The following KLHL32 variants were observed in gnomAD, a reference collection of about 807,000 sequenced individuals.
KLHL32 encodes the protein kelch like family member 32.
In KLHL32, 35 loss-of-function variants were observed where a neutral mutation model predicts 64.8. The observed-to-expected ratio is 0.54, with a 90% CI of 0.41 to 0.72. KLHL32 has a LOEUF of 0.72. KLHL32 is among the 30% of genes least tolerant of loss of function. The pLI, the probability that KLHL32 is intolerant of heterozygous loss-of-function variation, is 0.00. For synonymous variants in KLHL32, 259 were observed against 281.0 expected (o/e 0.92, Z 0.78); for missense variants, 589 against 768.5 (o/e 0.77, Z 2.76).
chr6:96,949,322 TTC>T (rs1241729362), intron 1 of KLHL32, among the ~76,000 whole-genome samples: 60 of 142,706 alleles, frequency 4.2e-4, no homozygotes, highest in Non-Finnish European at 5.2e-4. Flanking sequence ...AGCTCTGATA[TTC>T]TAGTTAGTCA....
intron 9 of KLHL32, among the ~76,000 whole-genome samples, chr6:97,131,593 C>T (rs1426041975): frequency 6.6e-6 from 1 of 152,128 alleles, no homozygotes; most frequent in Non-Finnish European, 1.5e-5. Flanking sequence ...TAACTTTTCC[C>T]CCTTGTCAGC....
At chr6:96,953,173 A>G (rs62413872) in intron 1 of KLHL32, among the ~76,000 whole-genome samples, 15,054 of 152,240 alleles carry the variant, frequency 0.099, 791 homozygotes, top group Middle Eastern at 0.16. Context: ...ACCCCATCAG[A>G]TGATTACAAA....
intron 3 of KLHL32, among the ~76,000 whole-genome samples, chr6:97,024,049 G>A (rs1017104309): frequency 1.6e-4 from 24 of 152,224 alleles, no homozygotes; most frequent in African/African-American, 5.5e-4. Context: ...TCTGTGAGTA[G>A]AAGTTGGCAT....
chr6:96,994,968 G>A (rs1192744773), intron 3 of KLHL32, among the ~76,000 whole-genome samples: 1 of 152,116 alleles, frequency 6.6e-6, no homozygotes, highest in Non-Finnish European at 1.5e-5. Context: ...ACACTACCTG[G>A]CAAATAGTAG....
At chr6:96,927,782 G>A (rs2127987256) in intron 1 of KLHL32, among the ~76,000 whole-genome samples, 1 of 152,326 alleles carries the variant, frequency 6.6e-6, no homozygotes, top group South Asian at 2.1e-4. Context: ...GTGTGTGTTA[G>A]TAATGTTCTA....
Position 97,077,041 on chromosome 6 carries a change from G to A in KLHL32, c.412-8085G>A, listed in dbSNP as rs982491413. Among the ~76,000 whole-genome samples, 3 of 152,078 alleles carry A rather than the reference G, an allele frequency of 2.0e-5. No individual in the cohort carries two copies. In the East Asian group the frequency reaches 5.8e-4, roughly 29 times the overall value. On this transcript the variant is annotated intron_variant, in intron 5 of 10. Transcript: ENST00000369261. ...GGTAGCCACTTTCTGAAGACAGAGA[G>A]GAAGATCTAAAGAACTAAAGATACT...
At chr6:96,950,958 A>G (rs1772499833) in intron 1 of KLHL32, among the ~76,000 whole-genome samples, 1 of 152,150 alleles carries the variant, frequency 6.6e-6, no homozygotes, top group Non-Finnish European at 1.5e-5. Context: ...TGATTTCTTA[A>G]ACTCAAGAAA....
chr6:97,005,652 T>C (rs1779579247), intron 3 of KLHL32, among the ~76,000 whole-genome samples: 1 of 152,226 alleles, frequency 6.6e-6, no homozygotes, highest in African/African-American at 2.4e-5. Flanking sequence ...CTGCTTTAGC[T>C]GTGTCCCAGA....
chr6:96,941,749 C>T (rs1562177406), intron 1 of KLHL32, among the ~76,000 whole-genome samples: 2 of 151,864 alleles, frequency 1.3e-5, no homozygotes, highest in African/African-American at 4.8e-5. Flanking sequence ...CACATAGCTG[C>T]CTTTTTTCTC....
rs58422496 is a variant in KLHL32 at position 97,100,966 on chromosome 6, C to CT, written c.628-12796dup. ...ACAGGCATGTGCCACTGCAGCCAAG[C>CT]TTTTTTTTTTTTTTTTTTTTTGGTA... On this transcript the variant is annotated intron_variant, in intron 6 of 10. Transcript: ENST00000369261. Among the ~76,000 whole-genome samples the CT allele has an allele frequency of 1.5e-3, 107 of 69,470 alleles. 1 individual carries two copies. The highest frequency in any genetic ancestry group is 1.5e-3 in the Non-Finnish European group (58 of 39,960). The allele number at this position is 69,470 out of a possible 152,430, so 45.6% of individuals were successfully genotyped here. A position where few individuals can be genotyped will look rare whatever the true frequency, so the allele number is the denominator to read the frequency against.
At chr6:97,123,242 G>A (rs1322544689) in intron 7 of KLHL32, among the ~76,000 whole-genome samples, 2 of 152,184 alleles carry the variant, frequency 1.3e-5, no homozygotes, top group African/African-American at 4.8e-5. Context: ...TTGCTTTTGA[G>A]TAGAATATGA....
intron 5 of KLHL32, among the ~76,000 whole-genome samples, chr6:97,065,816 C>T (rs1789649970): frequency 6.6e-6 from 1 of 152,158 alleles, no homozygotes; most frequent in Non-Finnish European, 1.5e-5. Context: ...TCTTTCTCAT[C>T]TAGCATCTTA....
chr6:97,103,148 TGGTACATTTAAAGACAGTCCAGA>T (rs992142133), intron 6 of KLHL32, among the ~76,000 whole-genome samples: 1 of 151,846 alleles, frequency 6.6e-6, no homozygotes, highest in African/African-American at 2.4e-5. Context: ...ATGGAGGGAA[TGGTACATTTAAAGACAGTCCAGA>T]GGTAAAATAT....
chr6:97,033,383 C>T (rs1222426199), intron 3 of KLHL32, among the ~76,000 whole-genome samples: 2 of 152,028 alleles, frequency 1.3e-5, no homozygotes, highest in Non-Finnish European at 2.9e-5. Flanking sequence ...AAATAATGTT[C>T]GTATGTGTGT....
intron 1 of KLHL32, among the ~76,000 whole-genome samples, chr6:96,938,241 G>A (rs1315026268): frequency 2.0e-5 from 3 of 152,088 alleles, no homozygotes; most frequent in Non-Finnish European, 2.9e-5. Context: ...CCAGAGTAGT[G>A]AAGTTATAGT....
intron 1 of KLHL32, among the ~76,000 whole-genome samples, chr6:96,965,223 G>A (rs1774325752): frequency 6.6e-6 from 1 of 152,082 alleles, no homozygotes; most frequent in South Asian, 2.1e-4. Context: ...TGGTATATAT[G>A]AACCATATTT....
chr6:96,956,885 G>C (rs1255378677), intron 1 of KLHL32, among the ~76,000 whole-genome samples: 2 of 151,994 alleles, frequency 1.3e-5, no homozygotes, highest in African/African-American at 4.8e-5. Flanking sequence ...GGTTTTTCAA[G>C]GCAAAAAAAT....
At chr6:96,903,770 C>T in the KLHL32 span, among the ~76,000 whole-genome samples, 1 of 152,132 alleles carries the variant, frequency 6.6e-6, no homozygotes, top group Non-Finnish European at 1.5e-5. Context: ...ACACCCATTA[C>T]TAAAAATACA....
intron 3 of KLHL32, among the ~76,000 whole-genome samples, chr6:96,985,769 T>G (rs1016113281): frequency 6.6e-6 from 1 of 152,168 alleles, no homozygotes; most frequent in Admixed American, 6.5e-5. Context: ...TAGTTAGCCA[T>G]TCATCTAATT....
Sources: allele counts gnomAD v4.1 joint callset (sites outside exome capture counted in the v4.1 genomes callset), GRCh38; gene constraint gnomAD v4.1.1; transcripts MANE v1.5; gene names NCBI Gene and HGNC (gene_info 2026-07-23, HGNC 2026-07-21).